DAP: variants seen among roughly 807,000 people sequenced by gnomAD.
DAP encodes the protein death associated protein.
A neutral mutation model predicts 13.8 loss-of-function variants in DAP; 8 were observed. The observed-to-expected ratio is 0.58, with a 90% confidence interval of 0.34 to 1.05. DAP has a LOEUF of 1.05. DAP is among the 50% of genes least tolerant of loss of function. The pLI is 0.03. For missense variants in DAP, 106 were observed against 133.2 expected (o/e 0.80, Z 1.01); for synonymous variants, 47 against 47.5 (o/e 0.99, Z 0.04).
chr5:10,735,880 T>C (rs1433559710), intron 2 of DAP, among the ~76,000 whole-genome samples: 3 of 152,168 alleles, frequency 2.0e-5, no homozygotes, highest in Non-Finnish European at 4.4e-5. Flanking sequence ...TGGGTTGAAT[T>C]TACGTTTCCC....
intron 2 of DAP, among the ~76,000 whole-genome samples, chr5:10,720,535 C>T (rs545193463): frequency 3.5e-4 from 53 of 152,328 alleles, no homozygotes; most frequent in Admixed American, 9.1e-4. Context: ...TCTGTGGACA[C>T]CACTCAGCCT....
At position 10,746,960 on chromosome 5, in the gene DAP, C is replaced by T. The variant is rs16885287; in HGVS notation, c.152+1215G>A. ...ACTCCATGAGAACTGGGTTGAACTTCCTGCTACGTTACCTAGCACGGTGCA... is the reference window on the plus strand; with the variant it reads ...ACTCCATGAGAACTGGGTTGAACTTTCTGCTACGTTACCTAGCACGGTGCA... On this transcript the variant is annotated intron_variant, in intron 2 of 3. Coordinates refer to ENST00000230895, the MANE Select transcript of DAP (RefSeq NM_004394.3). 4.7e-4 allele frequency among the ~76,000 whole-genome samples: 72 copies of T among 152,332 alleles called. No individual in the cohort carries two copies. The East Asian group carries it at 0.011, about 24-fold the overall frequency.
At chr5:10,752,753 AG>A in intron 1 of DAP, among the ~76,000 whole-genome samples, 1 of 152,166 alleles carries the variant, frequency 6.6e-6, no homozygotes, top group Non-Finnish European at 1.5e-5. Context: ...TCTGTGCCTC[AG>A]GGTCTGCCAC....
chr5:10,727,673 C>T lies in DAP; in HGVS notation c.152+20502G>A, dbSNP rs145212602. Among the ~76,000 whole-genome samples, 378 of 152,184 alleles carry T rather than the reference C, an allele frequency of 2.5e-3. 2 individuals carry two copies. The highest frequency in any genetic ancestry group is 8.8e-3 in the African/African-American group (365 of 41,500). ...GGAAAGGGGAGCAGAGTTTGAGGGA[C>T]GAAAATGGTGTGCTGTATGTAGGCA... On this transcript the variant is annotated intron_variant, in intron 2 of 3. Transcript: ENST00000230895.
intron 2 of DAP, among the ~76,000 whole-genome samples, chr5:10,720,039 G>A (rs1282523696): frequency 6.6e-6 from 1 of 152,218 alleles, no homozygotes. Flanking sequence ...AATCAAATGT[G>A]TGATTACATA....
At chr5:10,698,306 A>G (rs987724186) in intron 2 of DAP, among the ~76,000 whole-genome samples, 19 of 150,986 alleles carry the variant, frequency 1.3e-4, no homozygotes, top group African/African-American at 4.2e-4. Flanking sequence ...AAAAAAAAAA[A>G]AGAGAGCAAG....
chr5:10,730,570 GCCCGGGTC>G, intron 2 of DAP, among the ~76,000 whole-genome samples: 1 of 142,948 alleles, frequency 7.0e-6, no homozygotes, highest in Non-Finnish European at 1.5e-5. Context: ...TGTACTGAGA[GCCCGGGTC>G]AGGGGGAATC....
At chr5:10,688,188 T>C (rs1265762647) in intron 2 of DAP, among the ~76,000 whole-genome samples, 1 of 152,054 alleles carries the variant, frequency 6.6e-6, no homozygotes, top group African/African-American at 2.4e-5. Context: ...AGTGCTAGGA[T>C]TGCAGGCATG....
Position 10,683,510 on chromosome 5 carries a change from CAG to C in DAP, c.195+17_195+18del. 6.2e-7 allele frequency: 1 copy of C among 1,613,804 alleles called. No homozygotes were observed. The highest frequency in any genetic ancestry group is 1.1e-5 in the South Asian group (1 of 91,062). On this transcript the variant is annotated intron_variant, in intron 3 of 3. Coordinates refer to ENST00000230895, the MANE Select transcript of DAP (RefSeq NM_004394.3). ...CCATGCAAAAGCCTCAAACCCACCG[CAG>C]ACACTCCCAGACTTACCCGGGCGAT...
Position 10,703,406 on chromosome 5 carries a change from A to AG in DAP, c.153-19836dup, listed in dbSNP as rs1003699525. Among the ~76,000 whole-genome samples, 28 of 152,112 alleles carry AG rather than the reference A, an allele frequency of 1.8e-4. No homozygotes were observed. In the South Asian group the frequency reaches 3.5e-3, roughly 19 times the overall value. Reference sequence around the variant, plus strand: ...AGTAGTTGCAGCCCTGTGCACAGGCAGGGGGGGTGTCACCGACTCGCATGT... The same window carrying AG: ...AGTAGTTGCAGCCCTGTGCACAGGCAGGGGGGGGTGTCACCGACTCGCATGT... On this transcript the variant is annotated intron_variant, in intron 2 of 3. Coordinates refer to ENST00000230895, the MANE Select transcript of DAP (RefSeq NM_004394.3).
intron 1 of DAP, among the ~76,000 whole-genome samples, chr5:10,748,686 T>G (rs143867345): frequency 3.3e-5 from 5 of 152,334 alleles, no homozygotes; most frequent in Non-Finnish European, 7.3e-5. Flanking sequence ...TGGGGTGATA[T>G]GGTGATGGGT....
chr5:10,742,850 A>C (rs1167702252), intron 2 of DAP, among the ~76,000 whole-genome samples: 2 of 152,184 alleles, frequency 1.3e-5, no homozygotes, highest in African/African-American at 4.8e-5. Flanking sequence ...GAACAAAGCT[A>C]GGAAATACAG....
At chr5:10,736,083 G>A (rs1739604483) in intron 2 of DAP, among the ~76,000 whole-genome samples, 1 of 152,172 alleles carries the variant, frequency 6.6e-6, no homozygotes, top group African/African-American at 2.4e-5. Flanking sequence ...AGAACGTCAG[G>A]CAAAGGCAGC....
chr5:10,757,053 T>C (rs1313226549), intron 1 of DAP, among the ~76,000 whole-genome samples: 1 of 152,184 alleles, frequency 6.6e-6, no homozygotes, highest in African/African-American at 2.4e-5. Context: ...CATCCATCAC[T>C]TGTAAATAAC....
At chr5:10,757,515 C>A (rs1372864768) in intron 1 of DAP, among the ~76,000 whole-genome samples, 1 of 152,208 alleles carries the variant, frequency 6.6e-6, no homozygotes, top group Non-Finnish European at 1.5e-5. Context: ...CTCAGGTGCT[C>A]TCCCCACCTG....
chr5:10,687,171 A>T (rs1004236196), intron 2 of DAP, among the ~76,000 whole-genome samples: 4 of 152,308 alleles, frequency 2.6e-5, no homozygotes, highest in Middle Eastern at 3.4e-3. Context: ...GATTCCTTTC[A>T]AAGTATTACT....
rs540521072 is a variant in DAP, at chr5:10,724,381, C to G, written c.152+23794G>C. 2.6e-5 allele frequency among the ~76,000 whole-genome samples: 4 copies of G among 152,330 alleles called. No individual in the cohort carries two copies. In the South Asian group the frequency reaches 8.3e-4, roughly 32 times the overall value. The stretch of plus-strand genomic sequence containing the variant: ...TGCTTTTAGTTCTTTTCAAAGCTTA[C>G]AGATATTCATATTTTTCCCTCATTT... On this transcript the variant is annotated intron_variant, in intron 2 of 3. Transcript: ENST00000230895.
intron 2 of DAP, among the ~76,000 whole-genome samples, chr5:10,733,497 C>T (rs867671071): frequency 9.2e-5 from 14 of 152,212 alleles, no homozygotes; most frequent in South Asian, 4.1e-4. Context: ...CATTTAGGAG[C>T]ACCTGGATTA....
chr5:10,736,060 C>T (rs149638010), intron 2 of DAP, among the ~76,000 whole-genome samples: 28 of 152,294 alleles, frequency 1.8e-4, no homozygotes, highest in African/African-American at 6.5e-4. Context: ...TGGTCACAGA[C>T]AGGCACACAG....
Sources: gnomAD v4.1 joint callset for allele counts (sites outside exome capture counted in the v4.1 genomes callset) on GRCh38, gnomAD v4.1.1 for gene constraint, MANE v1.5 for transcripts, NCBI Gene and HGNC (gene_info 2026-07-23, HGNC 2026-07-21) for gene names.